Variants in LRP1B observed in about 807,000 individuals in gnomAD.
LRP1B encodes low-density lipoprotein receptor-related protein 1B.
In LRP1B, 217 loss-of-function variants were observed where a neutral mutation model predicts 556.6. The observed-to-expected ratio is 0.39, with a 90% confidence interval of 0.35 to 0.44. LRP1B has a LOEUF of 0.44. LRP1B is among the 20% of genes least tolerant of loss of function. LRP1B has a pLI of 1.00. For missense variants in LRP1B, 5,053 were observed against 5,620.8 expected, an observed-to-expected ratio of 0.90 and a Z score of 3.23; for synonymous variants, 2,047 against 1,865.8, an observed-to-expected ratio of 1.10 and a Z score of -2.50.
intron 83 of LRP1B, among the ~76,000 whole-genome samples, chr2:140,298,571 T>G (rs1248586495): frequency 6.6e-6 from 1 of 152,180 alleles, no homozygotes; most frequent in East Asian, 1.9e-4. Context: ...ATTTTGATAT[T>G]GTTATTCACA....
intron 33 of LRP1B, among the ~76,000 whole-genome samples, chr2:140,773,885 A>G (rs1346855811): frequency 2.0e-5 from 3 of 151,996 alleles, no homozygotes; most frequent in Non-Finnish European, 4.4e-5. Context: ...TTTTTGTTTT[A>G]TGTTTAAATT....
chr2:140,844,551 G>A (rs182430658), intron 29 of LRP1B, among the ~76,000 whole-genome samples: 118 of 151,918 alleles, frequency 7.8e-4, no homozygotes, highest in East Asian at 1.9e-4. Flanking sequence ...AATAAAAATC[G>A]TTATATATTT....
At chr2:141,683,756 T>C (rs1315985408) in intron 2 of LRP1B, among the ~76,000 whole-genome samples, 2 of 152,150 alleles carry the variant, frequency 1.3e-5, no homozygotes, top group East Asian at 1.9e-4. Flanking sequence ...AATTGGGAGA[T>C]ACATTGGCAG....
intron 35 of LRP1B, among the ~76,000 whole-genome samples, chr2:140,766,043 G>T (rs1689092380): frequency 6.6e-6 from 1 of 151,934 alleles, no homozygotes; most frequent in African/African-American, 2.4e-5. Context: ...AGAATAAGAG[G>T]CAACTGTGCC....
chr2:141,820,027 T>C (rs1696702559), intron 1 of LRP1B, among the ~76,000 whole-genome samples: 2 of 152,160 alleles, frequency 1.3e-5, no homozygotes, highest in East Asian at 1.9e-4. Context: ...GCTTTTTTAG[T>C]TAATCAGTAA....
intron 29 of LRP1B, among the ~76,000 whole-genome samples, chr2:140,842,096 A>C (rs1692126662): frequency 6.6e-6 from 1 of 152,220 alleles, no homozygotes; most frequent in African/African-American, 2.4e-5. Flanking sequence ...GTTACTGCTC[A>C]AGGTTGGTGA....
intron 1 of LRP1B, among the ~76,000 whole-genome samples, chr2:142,088,996 AG>A (rs66909714): frequency 0.028 from 559 of 20,156 alleles, 3 homozygotes; most frequent in East Asian, 0.16. Flanking sequence ...AAAAAAAAAA[AG>A]AAAAAGAAAA....
intron 18 of LRP1B, among the ~76,000 whole-genome samples, chr2:140,962,571 G>C (rs2105316908): frequency 6.6e-6 from 1 of 151,774 alleles, no homozygotes; most frequent in African/African-American, 2.4e-5. Flanking sequence ...GTTGGCTCCA[G>C]ACAACTCACA....
At chr2:141,070,480 C>A (rs1433012786) in intron 7 of LRP1B, among the ~76,000 whole-genome samples, 1 of 151,792 alleles carries the variant, frequency 6.6e-6, no homozygotes, top group Non-Finnish European at 1.5e-5. Flanking sequence ...CAAAAGCTAG[C>A]AGAAGGCAAG....
chr2:140,397,394 T>C (rs1471829925), intron 66 of LRP1B, among the ~76,000 whole-genome samples: 2 of 152,224 alleles, frequency 1.3e-5, no homozygotes, highest in Admixed American at 1.3e-4. Flanking sequence ...TTCCCCTCCC[T>C]GTGTCCATGT....
At chr2:140,885,276 T>A (rs1227732215) in intron 24 of LRP1B, among the ~76,000 whole-genome samples, 1 of 152,106 alleles carries the variant, frequency 6.6e-6, no homozygotes, top group Non-Finnish European at 1.5e-5. Context: ...GAATTAACAA[T>A]TTGACAGAGA....
intron 1 of LRP1B, among the ~76,000 whole-genome samples, chr2:142,006,870 A>G (rs535510258): frequency 1.3e-5 from 2 of 152,294 alleles, no homozygotes; most frequent in East Asian, 3.9e-4. Flanking sequence ...TATTTTTAAC[A>G]TGTTTTCTCT....
At chr2:141,070,156 G>T (rs1699597699) in intron 7 of LRP1B, among the ~76,000 whole-genome samples, 1 of 151,918 alleles carries the variant, frequency 6.6e-6, no homozygotes, top group Non-Finnish European at 1.5e-5. Context: ...TGGCTGCATA[G>T]TATTCCATGG....
chr2:140,343,913 A>G (rs566709338), intron 77 of LRP1B, among the ~76,000 whole-genome samples: 1 of 151,822 alleles, frequency 6.6e-6, no homozygotes, highest in South Asian at 2.1e-4. Context: ...TTGCCTGGTG[A>G]TGGGAGAGAA....
At chr2:141,278,898 C>G (rs1407638205) in intron 3 of LRP1B, among the ~76,000 whole-genome samples, 4 of 152,126 alleles carry the variant, frequency 2.6e-5, no homozygotes, top group African/African-American at 9.7e-5. Flanking sequence ...TCTTCAATTA[C>G]TCTTAATTGC....
intron 41 of LRP1B, among the ~76,000 whole-genome samples, chr2:140,676,500 G>C (rs1020180254): frequency 1.7e-4 from 26 of 151,936 alleles, no homozygotes; most frequent in African/African-American, 5.6e-4. Flanking sequence ...TATCCCATAA[G>C]ACTGCAAGGC....
At chr2:141,469,386 A>G (rs996747576) in intron 3 of LRP1B, among the ~76,000 whole-genome samples, 4 of 152,192 alleles carry the variant, frequency 2.6e-5, no homozygotes, top group African/African-American at 9.6e-5. Flanking sequence ...GTGCTGTTAT[A>G]ACAAAATACC....
chr2:142,039,718 C>G (rs1273401288), intron 1 of LRP1B, among the ~76,000 whole-genome samples: 2 of 151,482 alleles, frequency 1.3e-5, no homozygotes, highest in Non-Finnish European at 3.0e-5. Context: ...TTTTATGAAT[C>G]AGTGTTTAGT....
chr2:140,927,767 T>A (rs572281350), intron 20 of LRP1B, among the ~76,000 whole-genome samples: 8 of 147,344 alleles, frequency 5.4e-5, no homozygotes, highest in African/African-American at 2.0e-4. Flanking sequence ...AGTGCAATAG[T>A]GCAATCTTGG....
Sources: allele counts gnomAD v4.1 joint callset (sites outside exome capture counted in the v4.1 genomes callset), GRCh38; gene constraint gnomAD v4.1.1; transcripts MANE v1.5; gene names NCBI Gene and HGNC (gene_info 2026-07-23, HGNC 2026-07-21).